Variants in PCDHAC1 observed in about 807,000 individuals in gnomAD.
PCDHAC1 encodes protocadherin alpha subfamily C, 1.
PCDHAC1 carries 42 observed loss-of-function variants against 60.0 expected under a neutral mutation model. That is an observed-to-expected ratio of 0.70 (90% CI 0.55 to 0.90). The LOEUF (loss-of-function observed/expected upper bound fraction) is 0.90. Ranked by LOEUF, PCDHAC1 falls within the 40% of genes least tolerant of loss-of-function variation. PCDHAC1 has a pLI of 0.00. For synonymous variants in PCDHAC1, 468 were observed against 499.3 expected, an observed-to-expected ratio of 0.94 and a Z score of 0.84; for missense variants, 1,160 against 1,222.3, an observed-to-expected ratio of 0.95 and a Z score of 0.76.
At chr5:140,937,933 A>T (rs1452935525) in intron 1 of PCDHAC1, among the ~76,000 whole-genome samples, 1 of 151,854 alleles carries the variant, frequency 6.6e-6, no homozygotes, top group Non-Finnish European at 1.5e-5. Flanking sequence ...AAAAAGTTTA[A>T]TTTGATAATT....
intron 1 of PCDHAC1, among the ~76,000 whole-genome samples, chr5:140,949,420 G>A (rs1219049825): frequency 6.6e-6 from 1 of 151,726 alleles, no homozygotes; most frequent in African/African-American, 2.4e-5. Context: ...TCATCATTGT[G>A]TTTATCTCTT....
intron 1 of PCDHAC1, among the ~76,000 whole-genome samples, chr5:140,963,436 T>C (rs148474994): frequency 0.01 from 1,563 of 152,364 alleles, 89 homozygotes; most frequent in Admixed American, 0.092. Context: ...ACTAACTTCA[T>C]ACTCTGTTGC....
At chr5:140,980,553 C>G (rs1554241953) in intron 2 of PCDHAC1, among the ~76,000 whole-genome samples, 1 of 152,062 alleles carries the variant, frequency 6.6e-6, no homozygotes, top group Admixed American at 6.6e-5. Context: ...TCGCTTGAAC[C>G]CGGGAGGCGG....
chr5:140,992,352 G>C (rs1554252825), intron 3 of PCDHAC1, among the ~76,000 whole-genome samples: 1 of 152,162 alleles, frequency 6.6e-6, no homozygotes, highest in African/African-American at 2.4e-5. Context: ...TGTGGAGAGA[G>C]GAGAAAAATG....
intron 1 of PCDHAC1, chr5:140,929,850 G>T: frequency 6.5e-6 from 1 of 154,348 alleles, no homozygotes. Flanking sequence ...GAGGAGGAAG[G>T]AGTCAGAGAA....
chr5:141,006,525 T>G (rs1366958955), intron 3 of PCDHAC1, among the ~76,000 whole-genome samples: 1 of 152,108 alleles, frequency 6.6e-6, no homozygotes, highest in African/African-American at 2.4e-5. Context: ...TATACATCAG[T>G]TTTTAAAGAG....
intron 1 of PCDHAC1, chr5:140,966,522 G>C (rs1350046535): frequency 2.3e-6 from 1 of 437,158 alleles, no homozygotes; most frequent in Non-Finnish European, 4.0e-6. Context: ...GCAGGAAGCC[G>C]AGCCGGGTTG....
At chr5:140,931,662 T>C (rs905670675) in intron 1 of PCDHAC1, among the ~76,000 whole-genome samples, 2 of 152,028 alleles carry the variant, frequency 1.3e-5, no homozygotes, top group Non-Finnish European at 2.9e-5. Context: ...GTGGGCTGGA[T>C]ATTTCCTTAT....
Position 140,993,509 on chromosome 5 carries a change from CGGGGAGAGAG to C in PCDHAC1, c.2581+10947_2581+10956del, listed in dbSNP as rs2097568307. Among the ~76,000 whole-genome samples, 3 of 143,488 alleles carry C rather than the reference CGGGGAGAGAG, an allele frequency of 2.1e-5. No homozygotes were observed. In the Admixed American group the frequency reaches 2.1e-4, roughly 10 times the overall value. 94.1% of individuals were successfully genotyped at this position (143,488 alleles called of 152,430 possible). A position where few individuals can be genotyped will look rare whatever the true frequency, so the allele number is the denominator to read the frequency against. On this transcript the variant is annotated intron_variant, in intron 3 of 3. Coordinates refer to ENST00000253807, the MANE Select transcript of PCDHAC1 (RefSeq NM_018898.5). Reference sequence around the variant, plus strand: ...ACACACACACACACACACACACACACGGGGAGAGAGAGACAGAGAGAGAGAGAGATAGAGA... The same window carrying C: ...ACACACACACACACACACACACACACAGACAGAGAGAGAGAGAGATAGAGA...
chr5:140,969,117 A>G (rs1554231477), intron 1 of PCDHAC1: 1 of 1,614,178 alleles, frequency 6.2e-7, no homozygotes, highest in Non-Finnish European at 8.5e-7. Context: ...GTTCGAGGGA[A>G]TGGCTCCCTC....
At chr5:140,989,140 C>A (rs2153881117) in intron 3 of PCDHAC1, among the ~76,000 whole-genome samples, 1 of 152,290 alleles carries the variant, frequency 6.6e-6, no homozygotes, top group East Asian at 1.9e-4. Context: ...CACTTTATCC[C>A]TTCTTTTGTT....
Position 140,967,580 on chromosome 5 carries a change from C to T in PCDHAC1, c.2434-11369C>T, listed in dbSNP as rs201304400. 42 of 1,614,122 alleles carry T rather than the reference C, an allele frequency of 2.6e-5. No homozygotes were observed. The East Asian group carries it at 4.7e-4, about 18-fold the overall frequency. ...CGTCCAGCTACGGGAGGACTCACCC[C>T]CAGGCACATTGGTGGTGAAGCTGAA... On this transcript the variant is annotated intron_variant, in intron 1 of 3. Transcript: ENST00000253807.
At position 140,927,248 on chromosome 5, in the gene PCDHAC1, A is replaced by T. The variant is rs572200211; in HGVS notation, c.356A>T (p.Asp119Val). The change falls in exon 1 of 4, where the codon GAC becomes GTC. Residue 119 changes from aspartate to valine, a missense_variant. Physicochemically the swap from Asp to Val is radical, Grantham distance 152 (BLOSUM62 -3). Transcript: ENST00000253807. The stretch of plus-strand genomic sequence containing the variant: ...CGGATTCACGTCCTGGACACCAATG[A>T]CAACTCACCTCTCTTTCCTGCCGGC... Reference protein sequence around the residue: ...KIRIHVLDTNDNSPLFPAGDV... With the variant: ...KIRIHVLDTNVNSPLFPAGDV... 3.5e-5 allele frequency: 56 copies of T among 1,614,064 alleles called. No homozygotes were observed. The South Asian group carries it at 5.7e-4, about 16-fold the overall frequency.
chr5:140,941,673 A>T (rs1217189957), intron 1 of PCDHAC1, among the ~76,000 whole-genome samples: 1 of 152,024 alleles, frequency 6.6e-6, no homozygotes, highest in Non-Finnish European at 1.5e-5. Context: ...TGTCAAGTTC[A>T]ATATTCTGTT....
At chr5:140,964,658 G>T (rs2095846855) in intron 1 of PCDHAC1, among the ~76,000 whole-genome samples, 1 of 151,968 alleles carries the variant, frequency 6.6e-6, no homozygotes, top group Admixed American at 6.6e-5. Context: ...AATGGGTGAG[G>T]ACACAGGCCA....
intron 3 of PCDHAC1, among the ~76,000 whole-genome samples, chr5:140,989,936 C>T (rs564429410): frequency 1.3e-5 from 2 of 152,104 alleles, no homozygotes; most frequent in Non-Finnish European, 2.9e-5. Flanking sequence ...AGATGACATT[C>T]CACGTTTTTC....
At chr5:140,935,093 A>G (rs1182064605) in intron 1 of PCDHAC1, among the ~76,000 whole-genome samples, 1 of 152,204 alleles carries the variant, frequency 6.6e-6, no homozygotes, top group Admixed American at 6.5e-5. Context: ...TCCCAGAATC[A>G]GCCATTTTTC....
rs115795241 is a variant in PCDHAC1, at chr5:140,931,728, G to A, written c.2433+2403G>A. 2.8e-3 allele frequency among the ~76,000 whole-genome samples: 427 copies of A among 151,850 alleles called. 1 individual carries two copies. The highest frequency in any genetic ancestry group is 4.4e-3 in the Non-Finnish European group (297 of 67,780). ...GAATAAAATAACTTCTATAAATATGGGGTATTTGTAATTCACAAAGGCATT... is the reference window on the plus strand; with the variant it reads ...GAATAAAATAACTTCTATAAATATGAGGTATTTGTAATTCACAAAGGCATT... On this transcript the variant is annotated intron_variant, in intron 1 of 3. Coordinates refer to ENST00000253807, the MANE Select transcript of PCDHAC1 (RefSeq NM_018898.5).
At position 140,927,015 on chromosome 5, in the gene PCDHAC1, G is replaced by C; in HGVS notation, c.123G>C (p.Ala41=). 6.2e-7 allele frequency: 1 copy of C among 1,612,466 alleles called. No homozygotes were observed. The highest frequency in any genetic ancestry group is 8.5e-7 in the Non-Finnish European group (1 of 1,178,960). ...ERGVAVGNLS[A]DLRLPAAAMS... ...GCGTAGCCGTAGGCAATCTCTCCGC[G>C]GACTTGAGGCTGCCAGCGGCCGCTA... Residue 41 remains alanine (A), a synonymous_variant, in exon 1 of 4, where the codon GCG becomes GCC. Transcript: ENST00000253807.
Sources: gnomAD v4.1 joint callset for allele counts (sites outside exome capture counted in the v4.1 genomes callset) on GRCh38, gnomAD v4.1.1 for gene constraint, MANE v1.5 for transcripts, NCBI Gene and HGNC (gene_info 2026-07-23, HGNC 2026-07-21) for gene names.